The following CHRM3 variants were observed in gnomAD, a reference collection of about 807,000 sequenced individuals.
CHRM3 encodes cholinergic receptor muscarinic 3, also known as muscarinic acetylcholine receptor M3.
Under a neutral mutation model 41.8 loss-of-function variants are expected in CHRM3, and 11 were observed. That is an observed-to-expected ratio of 0.26 (90% CI 0.17 to 0.44). CHRM3 has a LOEUF of 0.44. CHRM3 is among the 20% of genes least tolerant of loss of function. The pLI is 1.00. For missense variants in CHRM3, 571 were observed against 745.4 expected (o/e 0.77, Z 2.72); for synonymous variants, 297 against 301.4 (o/e 0.99, Z 0.15).
At chr1:239,433,098 C>A (rs778779695) in intron 1 of CHRM3, among the ~76,000 whole-genome samples, 7 of 152,178 alleles carry the variant, frequency 4.6e-5, no homozygotes, top group Non-Finnish European at 8.8e-5. Flanking sequence ...ATCAGGCACC[C>A]TGAATCCCAA....
intron 1 of CHRM3, among the ~76,000 whole-genome samples, chr1:239,487,902 C>T (rs897744487): frequency 1.3e-5 from 2 of 148,950 alleles, no homozygotes; most frequent in African/African-American, 2.4e-5. Context: ...GAAAAATATC[C>T]TTAAAAGAAA....
intron 5 of CHRM3, among the ~76,000 whole-genome samples, chr1:239,796,026 A>G (rs1392532959): frequency 6.6e-6 from 1 of 152,170 alleles, no homozygotes; most frequent in Non-Finnish European, 1.5e-5. Context: ...CTTTTGGCTG[A>G]GCATTTTTTT....
intron 3 of CHRM3, among the ~76,000 whole-genome samples, chr1:239,609,298 G>A (rs1666725678): frequency 6.6e-6 from 1 of 152,162 alleles, no homozygotes; most frequent in South Asian, 2.1e-4. Flanking sequence ...ATTATTTTGA[G>A]ATTTATGTAT....
intron 3 of CHRM3, among the ~76,000 whole-genome samples, chr1:239,605,848 G>C (rs987644624): frequency 6.6e-6 from 1 of 152,134 alleles, no homozygotes; most frequent in African/African-American, 2.4e-5. Flanking sequence ...CACTTAGAAA[G>C]GTATATGCAT....
chr1:239,875,478 T>C (rs1332584493), intron 6 of CHRM3, among the ~76,000 whole-genome samples: 1 of 152,208 alleles, frequency 6.6e-6, no homozygotes, highest in Non-Finnish European at 1.5e-5. Context: ...CAAAATGTTA[T>C]TCTTCTGGTT....
intron 4 of CHRM3, among the ~76,000 whole-genome samples, chr1:239,647,258 A>G (rs555903431): frequency 6.6e-6 from 1 of 151,734 alleles, no homozygotes; most frequent in Non-Finnish European, 1.5e-5. Context: ...TCACCACATC[A>G]CTCCAACTGT....
intron 5 of CHRM3, among the ~76,000 whole-genome samples, chr1:239,706,673 TACAC>T (rs963243696): frequency 6.9e-6 from 1 of 145,128 alleles, no homozygotes; most frequent in African/African-American, 2.7e-5. Flanking sequence ...CACTTGCATG[TACAC>T]ACACGGAGGC....
intron 5 of CHRM3, among the ~76,000 whole-genome samples, chr1:239,761,515 T>A (rs1666770365): frequency 6.6e-6 from 1 of 152,174 alleles, no homozygotes; most frequent in Admixed American, 6.5e-5. Context: ...CCTAAAATGT[T>A]TTATCGTTGT....
chr1:239,776,826 A>G (rs1668124296), intron 5 of CHRM3, among the ~76,000 whole-genome samples: 1 of 152,136 alleles, frequency 6.6e-6, no homozygotes, highest in Non-Finnish European at 1.5e-5. Context: ...CCTTCGTCAC[A>G]TGGCAGCAGC....
At chr1:239,842,880 C>T (rs1337154230) in intron 6 of CHRM3, among the ~76,000 whole-genome samples, 1 of 152,160 alleles carries the variant, frequency 6.6e-6, no homozygotes, top group African/African-American at 2.4e-5. Context: ...CTTCAGCATT[C>T]CTGTGCCTAG....
intron 6 of CHRM3, among the ~76,000 whole-genome samples, chr1:239,831,290 G>A (rs1417144365): frequency 1.3e-5 from 2 of 152,092 alleles, no homozygotes; most frequent in East Asian, 3.9e-4. Context: ...ATCCTTTGAT[G>A]TAGGAACATC....
chr1:239,650,796 A>C (rs570901207), intron 4 of CHRM3, among the ~76,000 whole-genome samples: 34 of 152,226 alleles, frequency 2.2e-4, no homozygotes, highest in Non-Finnish European at 4.8e-4. Context: ...AACATTAATT[A>C]CTGGATTATA....
chr1:239,813,720 A>G (rs1464012505), intron 5 of CHRM3, among the ~76,000 whole-genome samples: 1 of 131,824 alleles, frequency 7.6e-6, no homozygotes, highest in African/African-American at 3.1e-5. Context: ...GATCGAGACC[A>G]TCCTGGCTAA....
chr1:239,667,988 G>C (rs562792529), intron 4 of CHRM3, among the ~76,000 whole-genome samples: 1 of 149,814 alleles, frequency 6.7e-6, no homozygotes, highest in Non-Finnish European at 1.5e-5. Context: ...CAGACTCCAT[G>C]CTACCTAATT....
intron 6 of CHRM3, among the ~76,000 whole-genome samples, chr1:239,831,337 G>C (rs1672881848): frequency 6.6e-6 from 1 of 152,062 alleles, no homozygotes; most frequent in Non-Finnish European, 1.5e-5. Context: ...CTCGGGCCTG[G>C]ACAAAACAGG....
intron 6 of CHRM3, among the ~76,000 whole-genome samples, chr1:239,903,768 T>C (rs1679759791): frequency 6.6e-6 from 1 of 152,114 alleles, no homozygotes; most frequent in Non-Finnish European, 1.5e-5. Context: ...ACCTAGTAAT[T>C]CCAAATATAA....
In CHRM3 at chr1:239,907,529, T is replaced by G. The variant is rs202237246; in HGVS notation, c.78T>G (p.Asp26Glu). ...ISSSWIHSPS[D>E]AGLPPGTVTH... ...CCTCCTGGATACACAGCCCCTCCGATGCAGGGCTGCCCCCGGGAACCGTCA... is the reference window on the plus strand; with the variant it reads ...CCTCCTGGATACACAGCCCCTCCGAGGCAGGGCTGCCCCCGGGAACCGTCA... Residue 26 changes from aspartate (D) to glutamate (E), a missense_variant, in exon 7 of 7, where the codon GAT becomes GAG. This residue lies in a region of CHRM3 where 92 missense variants were observed against 76.1 expected (regional missense o/e 1.21). Coordinates refer to ENST00000676153, the MANE Select transcript of CHRM3 (RefSeq NM_001375978.1). This position sits in a 1 kb window ranked among gnomAD's most constrained non-coding sequence, Gnocchi z 5.4. 149 of 1,614,168 alleles carry G rather than the reference T, an allele frequency of 9.2e-5. No individual in the cohort carries two copies. The highest frequency in any genetic ancestry group is 1.7e-6 in the Non-Finnish European group (2 of 1,180,024).
intron 1 of CHRM3, among the ~76,000 whole-genome samples, chr1:239,388,369 C>G (rs140470778): frequency 2.6e-5 from 4 of 152,092 alleles, no homozygotes; most frequent in African/African-American, 9.7e-5. Context: ...TCTCTCTTGC[C>G]CTCTGAGTTC....
chr1:239,699,096 TAA>T (rs1660453162), intron 5 of CHRM3, among the ~76,000 whole-genome samples: 1 of 152,210 alleles, frequency 6.6e-6, no homozygotes, highest in African/African-American at 2.4e-5. Flanking sequence ...TTTTTTTTTC[TAA>T]GTTTTTCTCA....
Sources: allele counts gnomAD v4.1 joint callset (sites outside exome capture counted in the v4.1 genomes callset), GRCh38; gene constraint gnomAD v4.1.1; regional missense constraint gnomAD v4.1.1; non-coding constraint Gnocchi (gnomAD v3.1); transcripts MANE v1.5; gene names NCBI Gene and HGNC (gene_info 2026-07-23, HGNC 2026-07-21).